Variants in TTLL1 observed in about 807,000 individuals in gnomAD.
The protein encoded by TTLL1 is polyglutamylase complex subunit TTLL1.
In TTLL1, 33 loss-of-function variants were observed where a neutral mutation model predicts 47.8. The ratio of observed to expected loss-of-function variants is 0.69; its 90% CI spans 0.52 to 0.92. TTLL1 has a LOEUF of 0.92. TTLL1 is among the 40% of genes least tolerant of loss of function. The pLI, the probability that TTLL1 is intolerant of heterozygous loss-of-function variation, is 0.00. For synonymous variants in TTLL1, 225 were observed against 214.1 expected (o/e 1.05, Z -0.45); for missense variants, 488 against 547.5 (o/e 0.89, Z 1.08).
intron 5 of TTLL1, among the ~76,000 whole-genome samples, chr22:43,065,132 A>G (rs8137710): frequency 0.094 from 14,258 of 151,998 alleles, 903 homozygotes; most frequent in African/African-American, 0.17. Flanking sequence ...GCAATAGAGC[A>G]AGACTCCATC....
At chr22:43,051,497 G>A (rs919231148) in intron 9 of TTLL1, among the ~76,000 whole-genome samples, 2 of 152,186 alleles carry the variant, frequency 1.3e-5, no homozygotes, top group African/African-American at 2.4e-5. Flanking sequence ...GGAGGGCCTG[G>A]GGGACAGGGT....
In TTLL1 at chr22:43,089,276, C is replaced by T. The variant is rs1486922810; in HGVS notation, c.-90+1G>A. 1 of 152,322 alleles carries T rather than the reference C, an allele frequency of 6.6e-6. No homozygotes were observed. Among genetic ancestry groups the T allele is most frequent in the East Asian group, 1.9e-4 (1 of 5,188 alleles). 9.4% of individuals were successfully genotyped at this position (152,322 alleles called of 1,614,324 possible). A position where few individuals can be genotyped will look rare whatever the true frequency, so the allele number is the denominator to read the frequency against. ...CGGCGGCCTGGGGGACAGGACCTCA[C>T]CTGTGGGCTCAGAGCGCCGAGGGAC... On this transcript the variant is annotated splice_donor_variant, in intron 1 of 10. Transcript: ENST00000266254. LOFTEE classifies it low-confidence loss of function (5UTR_SPLICE).
intron 8 of TTLL1, among the ~76,000 whole-genome samples, chr22:43,057,577 A>C (rs1186688677): frequency 6.6e-6 from 1 of 152,168 alleles, no homozygotes; most frequent in Non-Finnish European, 1.5e-5. Context: ...AAGAATGGGA[A>C]GTATCCCACC....
rs746753622 is a variant in TTLL1 at position 43,069,795 on chromosome 22, G to T, written c.163C>A (p.Arg55=). ...RNVFSVEAGY[R]LSDDQIVNHF... is the part of the protein sequence containing the mutation. ...TTGACTATTTGGTCATCTGAGAGCC[G>T]ATATCCAGCTTCAACGCTGAACACA... The change falls in exon 4 of 11, where the codon CGG becomes AGG. Residue 55 remains arginine, a synonymous_variant. Coordinates refer to ENST00000266254, the MANE Select transcript of TTLL1 (RefSeq NM_012263.5). 3 of 1,614,050 alleles carry T rather than the reference G, an allele frequency of 1.9e-6. No homozygotes were observed. Among genetic ancestry groups the T allele is most frequent in the Non-Finnish European group, 2.5e-6 (3 of 1,180,048 alleles).
At chr22:43,088,889 C>CACA (rs1929429453) in intron 1 of TTLL1, among the ~76,000 whole-genome samples, 1 of 152,176 alleles carries the variant, frequency 6.6e-6, no homozygotes, top group South Asian at 2.1e-4. Flanking sequence ...AGAGGGAAGA[C>CACA]ACAAGGCTCT....
intron 5 of TTLL1, among the ~76,000 whole-genome samples, chr22:43,067,131 C>A (rs1278271099): frequency 6.6e-6 from 1 of 152,208 alleles, no homozygotes; most frequent in Non-Finnish European, 1.5e-5. Context: ...CACTTCTGAG[C>A]AGCTGAGAAA....
chr22:43,068,326 A>T, intron 5 of TTLL1, 84 bp downstream of exon 5: 1 of 1,282,356 alleles, frequency 7.8e-7, no homozygotes, highest in Non-Finnish European at 1.0e-6. Flanking sequence ...AAAAAAAACC[A>T]AACAAAAACC....
At chr22:43,083,245 T>C (rs1929015102) in intron 1 of TTLL1, among the ~76,000 whole-genome samples, 1 of 152,086 alleles carries the variant, frequency 6.6e-6, no homozygotes, top group Non-Finnish European at 1.5e-5. Flanking sequence ...GGCGGGCGCC[T>C]GTAGTCCCAG....
At chr22:43,074,238 C>T (rs1250231109) in intron 3 of TTLL1, among the ~76,000 whole-genome samples, 1 of 149,696 alleles carries the variant, frequency 6.7e-6, no homozygotes, top group African/African-American at 2.5e-5. Context: ...ACCAGCCTGA[C>T]CAACATGGAG....
chr22:43,050,667 T>A (rs924114029), intron 9 of TTLL1, among the ~76,000 whole-genome samples: 2 of 151,884 alleles, frequency 1.3e-5, no homozygotes, highest in African/African-American at 4.8e-5. Context: ...GGATTACAGG[T>A]GCACACCACC....
intron 7 of TTLL1, 99 bp from the exon 8 acceptor site, chr22:43,059,626 G>C: frequency 2.1e-6 from 3 of 1,406,944 alleles, no homozygotes; most frequent in South Asian, 2.9e-5. Flanking sequence ...AGTGCCCCCT[G>C]GGTGTGGGCA....
Position 43,057,177 on chromosome 22 carries a change from G to A in TTLL1, c.891+2207C>T, listed in dbSNP as rs527660628. Among the ~76,000 whole-genome samples, 359 of 151,890 alleles carry A rather than the reference G, an allele frequency of 2.4e-3. 2 individuals are homozygous for A. The highest frequency in any genetic ancestry group is 8.3e-3 in the African/African-American group (346 of 41,458). ...CCCAGCTACTTGGGAGGCTGAGGCA[G>A]GAGAATTGTTTGAACCAGGGATCGG... On this transcript the variant is annotated intron_variant, in intron 8 of 10. Coordinates refer to ENST00000266254, the MANE Select transcript of TTLL1 (RefSeq NM_012263.5).
intron 2 of TTLL1, among the ~76,000 whole-genome samples, chr22:43,079,114 C>T (rs1420586830): frequency 4.8e-5 from 6 of 125,258 alleles, no homozygotes; most frequent in African/African-American, 6.2e-5. Flanking sequence ...CCCTCACACC[C>T]GCAGACACGG....
rs116007560 is a variant in TTLL1, at chr22:43,071,360, C to T, written c.114-1516G>A. On this transcript the variant is annotated intron_variant, in intron 3 of 10. Coordinates refer to ENST00000266254, the MANE Select transcript of TTLL1 (RefSeq NM_012263.5). ...TTTTCAAAATAAAGAGCTGGCCGGG[C>T]GCAGTGGCTCACGTCTGTAATCCAG... Among the ~76,000 whole-genome samples the T allele has an allele frequency of 5.7e-3, 866 of 152,186 alleles. 7 individuals carry two copies. The highest frequency in any genetic ancestry group is 0.019 in the African/African-American group (794 of 41,520).
At chr22:43,062,672 T>C (rs1394630035) in intron 7 of TTLL1, among the ~76,000 whole-genome samples, 1 of 151,352 alleles carries the variant, frequency 6.6e-6, no homozygotes, top group Non-Finnish European at 1.5e-5. Flanking sequence ...TCTACTAAAA[T>C]ACAAAAATTA....
At chr22:43,063,060 A>C (rs1052502769) in intron 7 of TTLL1, among the ~76,000 whole-genome samples, 1 of 152,224 alleles carries the variant, frequency 6.6e-6, no homozygotes, top group Admixed American at 6.5e-5. Flanking sequence ...TACTGAATGC[A>C]TGTCACTTTC....
intron 10 of TTLL1, among the ~76,000 whole-genome samples, chr22:43,042,157 G>A (rs747628908): frequency 1.3e-5 from 2 of 152,200 alleles, no homozygotes; most frequent in Admixed American, 6.6e-5. Context: ...CGTCTGGTTC[G>A]TGGCTGCCCC....
At chr22:43,088,011 G>A (rs1929347437) in intron 1 of TTLL1, among the ~76,000 whole-genome samples, 1 of 151,682 alleles carries the variant, frequency 6.6e-6, no homozygotes, top group South Asian at 2.1e-4. Context: ...AGCGGGGCAT[G>A]GTGGCGCGTG....
At position 43,064,369 on chromosome 22, in the gene TTLL1, A is replaced by G. The variant is rs543722139; in HGVS notation, c.504-45T>C. On this transcript the variant is annotated intron_variant, in intron 5 of 10. Transcript: ENST00000266254. ...TAAAAATTAGATGGTAAAAGATGCAATAACGAAGACACAATCCAAGAAAGG... is the reference window on the plus strand; with the variant it reads ...TAAAAATTAGATGGTAAAAGATGCAGTAACGAAGACACAATCCAAGAAAGG... The G allele has an allele frequency of 1.2e-5, 19 of 1,585,804 alleles. No individual in the cohort carries two copies. The South Asian group carries it at 1.6e-4, about 13-fold the overall frequency.
Sources: gnomAD v4.1 joint callset for allele counts (sites outside exome capture counted in the v4.1 genomes callset) on GRCh38, gnomAD v4.1.1 for gene constraint, MANE v1.5 for transcripts, NCBI Gene and HGNC (gene_info 2026-07-23, HGNC 2026-07-21) for gene names.